NRG3: variants seen among roughly 807,000 people sequenced by gnomAD.
The protein encoded by NRG3 is neuregulin 3.
NRG3 carries 31 observed loss-of-function variants against 66.9 expected under a neutral mutation model. The observed-to-expected ratio is 0.46, with a 90% CI of 0.35 to 0.63. NRG3 has a LOEUF of 0.63. Among genes scored for constraint, NRG3 ranks in the 20% least tolerant of loss-of-function variants. The pLI, the probability that NRG3 is intolerant of heterozygous loss-of-function variation, is 0.00. For synonymous variants in NRG3, 393 were observed against 359.4 expected (o/e 1.09, Z -1.06); for missense variants, 910 against 878.9 (o/e 1.04, Z -0.45).
chr10:82,787,365 C>T (rs1009294318), intron 3 of NRG3, among the ~76,000 whole-genome samples: 1 of 152,118 alleles, frequency 6.6e-6, no homozygotes, highest in Non-Finnish European at 1.5e-5. Flanking sequence ...CTTGAGTGAT[C>T]CACTTTAAAA....
At chr10:82,582,268 A>G (rs1240920337) in intron 2 of NRG3, among the ~76,000 whole-genome samples, 1 of 152,116 alleles carries the variant, frequency 6.6e-6, no homozygotes, top group Non-Finnish European at 1.5e-5. Flanking sequence ...ATATCATCAG[A>G]AAAATGGGGA....
chr10:82,787,079 C>T (rs1452333555), intron 3 of NRG3, among the ~76,000 whole-genome samples: 8 of 152,192 alleles, frequency 5.3e-5, no homozygotes, highest in Non-Finnish European at 1.2e-4. Flanking sequence ...GACATGCAGC[C>T]ATTTTCCCTC....
chr10:82,087,521 A>G (rs558745978), intron 1 of NRG3, among the ~76,000 whole-genome samples: 1 of 152,058 alleles, frequency 6.6e-6, no homozygotes, highest in African/African-American at 2.4e-5. Context: ...AGTCCACCCA[A>G]CAGTACAGGT....
At chr10:82,900,538 A>G (rs1844117041) in intron 4 of NRG3, among the ~76,000 whole-genome samples, 1 of 152,204 alleles carries the variant, frequency 6.6e-6, no homozygotes, top group South Asian at 2.1e-4. Context: ...GGAAGAAATA[A>G]AATCTCATTC....
At chr10:81,992,993 A>G (rs1244117073) in intron 1 of NRG3, among the ~76,000 whole-genome samples, 2 of 152,200 alleles carry the variant, frequency 1.3e-5, no homozygotes, top group Admixed American at 6.5e-5. Context: ...GTGTTTTAGA[A>G]TAGATATTTC....
chr10:82,832,496 A>G (rs1254677187), intron 3 of NRG3, among the ~76,000 whole-genome samples: 1 of 152,194 alleles, frequency 6.6e-6, no homozygotes, highest in Non-Finnish European at 1.5e-5. Context: ...ATACAAAGCA[A>G]TAATAATATA....
At chr10:82,100,050 T>A (rs2066631464) in intron 1 of NRG3, among the ~76,000 whole-genome samples, 1 of 151,646 alleles carries the variant, frequency 6.6e-6, no homozygotes, top group South Asian at 2.1e-4. Context: ...GAAGATGGAA[T>A]ACCTCTTTAT....
At chr10:82,083,159 T>A (rs1396529722) in intron 1 of NRG3, among the ~76,000 whole-genome samples, 6 of 152,120 alleles carry the variant, frequency 3.9e-5, no homozygotes, top group Admixed American at 3.3e-4. Flanking sequence ...CTATTTTTGA[T>A]GATGTACAGT....
intron 4 of NRG3, 125 bp downstream of exon 4, chr10:82,865,562 A>C: frequency 1.1e-6 from 1 of 934,084 alleles, no homozygotes; most frequent in South Asian, 2.0e-5. Context: ...TTAGTAGGAA[A>C]AAATACTCTT....
chr10:82,244,426 T>C (rs768533404), intron 1 of NRG3, among the ~76,000 whole-genome samples: 1 of 152,136 alleles, frequency 6.6e-6, no homozygotes, highest in Non-Finnish European at 1.5e-5. Context: ...GAGACCTAGG[T>C]TCTGGAACTA....
At chr10:82,520,884 G>T (rs1287861121) in intron 2 of NRG3, among the ~76,000 whole-genome samples, 1 of 152,076 alleles carries the variant, frequency 6.6e-6, no homozygotes, top group African/African-American at 2.4e-5. Context: ...GCTTATGAGG[G>T]CATTCTAATT....
chr10:82,089,863 G>A (rs143741550), intron 1 of NRG3, among the ~76,000 whole-genome samples: 162 of 152,264 alleles, frequency 1.1e-3, no homozygotes, highest in African/African-American at 3.7e-3. Flanking sequence ...GCCAACATAA[G>A]CATTACACTT....
intron 2 of NRG3, among the ~76,000 whole-genome samples, chr10:82,694,836 C>T (rs1009471919): frequency 1.3e-5 from 2 of 152,090 alleles, no homozygotes; most frequent in African/African-American, 4.8e-5. Flanking sequence ...ATACAAAAAA[C>T]TATGAGGAAC....
intron 4 of NRG3, among the ~76,000 whole-genome samples, chr10:82,876,129 A>T (rs2136021263): frequency 6.6e-6 from 1 of 152,346 alleles, no homozygotes; most frequent in African/African-American, 2.4e-5. Context: ...TGAGGAAAGT[A>T]TTGAACTATT....
chr10:82,936,991 G>T (rs770629001), intron 4 of NRG3, among the ~76,000 whole-genome samples: 33 of 152,056 alleles, frequency 2.2e-4, no homozygotes, highest in Non-Finnish European at 4.3e-4. Flanking sequence ...ATTTATAAAA[G>T]AGATTATATA....
At chr10:82,722,668 G>T (rs1336124306) in intron 2 of NRG3, among the ~76,000 whole-genome samples, 1 of 152,054 alleles carries the variant, frequency 6.6e-6, no homozygotes, top group Non-Finnish European at 1.5e-5. Flanking sequence ...GGTTTTTCTG[G>T]TTGTTAATTT....
At chr10:82,179,681 A>G (rs1048114768) in intron 1 of NRG3, among the ~76,000 whole-genome samples, 2 of 151,492 alleles carry the variant, frequency 1.3e-5, no homozygotes, top group Admixed American at 6.6e-5. Flanking sequence ...GAGTATGAGG[A>G]CTCTGACATT....
chr10:82,758,604 C>T (rs2059174404), intron 3 of NRG3, among the ~76,000 whole-genome samples: 1 of 152,044 alleles, frequency 6.6e-6, no homozygotes, highest in Non-Finnish European at 1.5e-5. Flanking sequence ...AGTATTTTAG[C>T]AGGAAGAAAT....
intron 4 of NRG3, among the ~76,000 whole-genome samples, chr10:82,936,625 A>G (rs897103177): frequency 6.6e-6 from 1 of 152,226 alleles, no homozygotes; most frequent in Non-Finnish European, 1.5e-5. Context: ...CCCCACAAAA[A>G]TGATAACCAT....
Sources: gnomAD v4.1 joint callset for allele counts (sites outside exome capture counted in the v4.1 genomes callset) on GRCh38, gnomAD v4.1.1 for gene constraint, MANE v1.5 for transcripts, NCBI Gene and HGNC (gene_info 2026-07-23, HGNC 2026-07-21) for gene names.